The following ZNF469 variants were observed in gnomAD, a reference collection of about 807,000 sequenced individuals.
The protein encoded by ZNF469 is zinc finger protein 469.
ZNF469 carries 1 observed loss-of-function variant against 1.0 expected under a neutral mutation model. The ratio of observed to expected loss-of-function variants is 1.00; its 90% CI spans 0.35 to 4.73. The LOEUF (loss-of-function observed/expected upper bound fraction) is 4.73, where lower values mean the gene tolerates loss of function less well. ZNF469 is among the 30% of genes most tolerant of loss of function. The pLI, the probability that ZNF469 is intolerant of heterozygous loss-of-function variation, is 0.16. For synonymous variants in ZNF469, 2,703 were observed against 2,363.4 expected (o/e 1.14, Z -4.17); for missense variants, 6,100 against 5,356.3 (o/e 1.14, Z -4.33).
the ZNF469 span, among the ~76,000 whole-genome samples, chr16:88,270,382 T>C: frequency 6.6e-6 from 1 of 152,186 alleles, no homozygotes; most frequent in Admixed American, 6.5e-5. Context: ...TGTGTGCCCA[T>C]GTGGCCGGCC....
the ZNF469 span, among the ~76,000 whole-genome samples, chr16:88,111,033 A>G: frequency 1.3e-5 from 2 of 152,232 alleles, no homozygotes; most frequent in Non-Finnish European, 2.9e-5. Context: ...GCTTGCAGTC[A>G]GTGTCGAAGG....
chr16:88,154,904 C>G, the ZNF469 span, among the ~76,000 whole-genome samples: 2 of 152,216 alleles, frequency 1.3e-5, no homozygotes, highest in Admixed American at 1.3e-4. Flanking sequence ...TGTGACTCAT[C>G]TACATCCAGG....
chr16:88,187,977 C>T, the ZNF469 span, among the ~76,000 whole-genome samples: 25 of 151,990 alleles, frequency 1.6e-4, no homozygotes, highest in African/African-American at 4.6e-4. Context: ...GGATGCATCC[C>T]GGGCCCTGTC....
At chr16:88,282,014 G>T in the ZNF469 span, among the ~76,000 whole-genome samples, 4 of 152,248 alleles carry the variant, frequency 2.6e-5, no homozygotes, top group Non-Finnish European at 5.9e-5. Flanking sequence ...TAGTACTAAT[G>T]AGCCAACATT....
rs1466703946 is a variant in ZNF469 at position 88,434,053 on chromosome 16, G to T, written c.6583G>T (p.Ala2195Ser). 1 of 1,550,270 alleles carries T rather than the reference G, an allele frequency of 6.5e-7. No homozygotes were observed. The highest frequency in any genetic ancestry group is 8.7e-7 in the Non-Finnish European group (1 of 1,146,878). Residue 2195 changes from alanine to serine, a missense_variant, in exon 3 of 3, where the codon GCT becomes TCT. Physicochemically the swap from Ala to Ser is moderately conservative, Grantham distance 99. Transcript: ENST00000565624. The part of the protein sequence containing the change: ...TDTGAEDSPV[A>S]PPSLTTSPCD... ...TACTGGGGCTGAGGATTCCCCGGTG[G>T]CTCCCCCGTCTTTGACAACAAGCCC... is the stretch of plus-strand genomic sequence containing the variant.
the ZNF469 span, among the ~76,000 whole-genome samples, chr16:88,102,895 G>A: frequency 6.6e-6 from 1 of 152,260 alleles, no homozygotes; most frequent in African/African-American, 2.4e-5. Flanking sequence ...GTGGCAGAAT[G>A]CATGTGCTCA....
chr16:88,391,379 C>T (rs1284684326), intron 1 of ZNF469, among the ~76,000 whole-genome samples: 1 of 152,384 alleles, frequency 6.6e-6, no homozygotes, highest in Admixed American at 6.5e-5. Context: ...TGGCTGGCTG[C>T]GTTCCCCAGG....
chr16:88,209,002 C>T, the ZNF469 span, among the ~76,000 whole-genome samples: 14 of 152,212 alleles, frequency 9.2e-5, no homozygotes, highest in African/African-American at 3.1e-4. Context: ...CTAACCCACC[C>T]CACTGTGGAA....
intron 1 of ZNF469, among the ~76,000 whole-genome samples, chr16:88,402,480 G>A (rs1319654305): frequency 6.6e-6 from 1 of 152,118 alleles, no homozygotes; most frequent in Non-Finnish European, 1.5e-5. Flanking sequence ...AGCTTGGGGA[G>A]AGGATGCTAC....
In ZNF469 at chr16:88,436,454, C is replaced by T. The variant is rs759398721; in HGVS notation, c.8984C>T (p.Ala2995Val). The change falls in exon 3 of 3, where the codon GCG becomes GTG. Residue 2995 changes from alanine to valine, a missense_variant. Physicochemically the swap from Ala to Val is moderately conservative, Grantham distance 64. Coordinates refer to ENST00000565624, the MANE Select transcript of ZNF469 (RefSeq NM_001367624.2). Reference sequence around the variant, plus strand: ...ATTCCTGAGCTGCACATGGTCCCAGCGGCTTGGCGAGGCCTGGAGATGCCG... The same window carrying T: ...ATTCCTGAGCTGCACATGGTCCCAGTGGCTTGGCGAGGCCTGGAGATGCCG... ...EAIPELHMVPAAWRGLEMPAP... is the reference protein window; with the variant it reads ...EAIPELHMVPVAWRGLEMPAP... 8.4e-6 allele frequency: 13 copies of T among 1,547,270 alleles called. No individual in the cohort carries two copies. The highest frequency in any genetic ancestry group is 5.9e-5 in the Admixed American group (3 of 50,988).
the ZNF469 span, among the ~76,000 whole-genome samples, chr16:88,309,744 GGGTGCCCTCTGA>G: frequency 4.6e-5 from 7 of 152,012 alleles, no homozygotes; most frequent in Middle Eastern, 3.2e-3. Context: ...CCTGGCGGGG[GGGTGCCCTCTGA>G]GGTGCCCTCT....
In ZNF469 at chr16:88,435,835, G is replaced by C. The variant is rs569619739; in HGVS notation, c.8365G>C (p.Val2789Leu). Residue 2789 changes from valine to leucine, a missense_variant, in exon 3 of 3, where the codon GTC becomes CTC. By Grantham distance (32) the Val-to-Leu change is conservative. Transcript: ENST00000565624. ...SRAHSRSEEG[V>L]WEENTPPLGP... Reference sequence around the variant, plus strand: ...GGCCCACAGCCGATCAGAGGAAGGTGTCTGGGAGGAGAACACGCCCCCCTT... The same window carrying C: ...GGCCCACAGCCGATCAGAGGAAGGTCTCTGGGAGGAGAACACGCCCCCCTT... 1 of 1,550,544 alleles carries C rather than the reference G, an allele frequency of 6.4e-7. No individual in the cohort carries two copies. Among genetic ancestry groups the C allele is most frequent in the Non-Finnish European group, 8.7e-7 (1 of 1,146,972 alleles).
At position 88,428,367 on chromosome 16, in the gene ZNF469, T is replaced by C. The variant is rs776044690; in HGVS notation, c.897T>C (p.Asn299=). ...PADVAGHAFT[N]GPLVFAFHQP... ...ATGTGGCTGGGCACGCATTCACCAA[T>C]GGGCCACTGGTGTTTGCCTTCCATC... The change falls in exon 3 of 3, where the codon AAT becomes AAC. Residue 299 remains asparagine (N), a synonymous_variant. Coordinates refer to ENST00000565624, the MANE Select transcript of ZNF469 (RefSeq NM_001367624.2). The C allele has an allele frequency of 3.2e-6, 5 of 1,548,824 alleles. No individual in the cohort carries two copies. In the South Asian group the frequency reaches 5.9e-5, roughly 18 times the overall value.
At chr16:88,282,353 G>A in the ZNF469 span, among the ~76,000 whole-genome samples, 1 of 152,298 alleles carries the variant, frequency 6.6e-6, no homozygotes, top group East Asian at 1.9e-4. Context: ...CCTGGGTGAT[G>A]AGTGGCAGCC....
the ZNF469 span, among the ~76,000 whole-genome samples, chr16:88,237,852 G>T: frequency 2.0e-5 from 3 of 151,260 alleles, no homozygotes; most frequent in East Asian, 5.8e-4. Context: ...GCCCAGCCCC[G>T]GCAGCTGCTG....
the ZNF469 span, among the ~76,000 whole-genome samples, chr16:88,149,911 C>G: frequency 4.6e-5 from 7 of 152,250 alleles, no homozygotes. Context: ...GGTGGACAGG[C>G]ATTGCCATCC....
At chr16:88,328,859 G>C in the ZNF469 span, among the ~76,000 whole-genome samples, 7 of 152,132 alleles carry the variant, frequency 4.6e-5, no homozygotes, top group South Asian at 4.1e-4. Flanking sequence ...GCAGGCGGGT[G>C]GGGGAGACGC....
the ZNF469 span, among the ~76,000 whole-genome samples, chr16:88,239,674 T>C: frequency 2.8e-4 from 1 of 3,578 alleles, no homozygotes; most frequent in East Asian, 6.4e-3. Flanking sequence ...TTTGTATATA[T>C]ATATATATAT....
At chr16:88,343,555 G>C in the ZNF469 span, among the ~76,000 whole-genome samples, 2 of 152,246 alleles carry the variant, frequency 1.3e-5, no homozygotes, top group East Asian at 3.9e-4. Context: ...TATTTCCCAG[G>C]GTTCTGGAGA....
Sources: gnomAD v4.1 joint callset for allele counts (sites outside exome capture counted in the v4.1 genomes callset) on GRCh38, gnomAD v4.1.1 for gene constraint, MANE v1.5 for transcripts, NCBI Gene and HGNC (gene_info 2026-07-23, HGNC 2026-07-21) for gene names.